Variants in HSD17B12 observed in about 807,000 individuals in gnomAD.
The protein encoded by HSD17B12 is very-long-chain 3-oxoacyl-CoA reductase.
HSD17B12 carries 32 observed loss-of-function variants against 39.3 expected under a neutral mutation model. That is an observed-to-expected ratio of 0.81 (90% CI 0.61 to 1.09). HSD17B12 has a LOEUF of 1.09. Ranked by LOEUF, HSD17B12 falls within the 50% of genes least tolerant of loss-of-function variation. HSD17B12 has a pLI of 0.00. For missense variants in HSD17B12, 342 were observed against 382.9 expected (o/e 0.89, Z 0.89); for synonymous variants, 150 against 146.7 (o/e 1.02, Z -0.16).
At chr11:43,820,790 G>C (rs972170304) in intron 6 of HSD17B12, among the ~76,000 whole-genome samples, 5 of 152,188 alleles carry the variant, frequency 3.3e-5, no homozygotes, top group Non-Finnish European at 7.3e-5. Flanking sequence ...TTGTGACTTT[G>C]GGCTTGTGCC....
At chr11:43,683,107 T>G (rs117417031) in intron 1 of HSD17B12, among the ~76,000 whole-genome samples, 69,434 of 146,260 alleles carry the variant, frequency 0.47, 16,083 homozygotes, top group Non-Finnish European at 0.51. Context: ...TTTTTTTGTT[T>G]TTTTTTTTTT....
the HSD17B12 span, among the ~76,000 whole-genome samples, chr11:43,649,814 C>T: frequency 1.3e-5 from 2 of 152,166 alleles, no homozygotes; most frequent in African/African-American, 4.8e-5. Flanking sequence ...GTTTGGTTTC[C>T]TGCCTTTTGG....
the HSD17B12 span, among the ~76,000 whole-genome samples, chr11:43,596,076 G>A: frequency 1.3e-5 from 2 of 152,070 alleles, no homozygotes; most frequent in Non-Finnish European, 2.9e-5. Context: ...TTTTTTATAG[G>A]GGAAAGGTCT....
intron 1 of HSD17B12, among the ~76,000 whole-genome samples, chr11:43,737,075 A>G (rs1051913650): frequency 3.3e-5 from 5 of 152,212 alleles, no homozygotes; most frequent in African/African-American, 4.8e-5. Flanking sequence ...TCTTTAATCA[A>G]TCGAGTGTTT....
chr11:43,601,795 TGAA>T, the HSD17B12 span, among the ~76,000 whole-genome samples: 3 of 152,182 alleles, frequency 2.0e-5, no homozygotes, highest in Admixed American at 6.5e-5. Context: ...TGCTTCCCAG[TGAA>T]GAAGAAAAAC....
chr11:43,748,594 C>T (rs550988800), intron 1 of HSD17B12, among the ~76,000 whole-genome samples: 200 of 152,154 alleles, frequency 1.3e-3, no homozygotes, highest in Non-Finnish European at 2.3e-3. Flanking sequence ...CATGTACCCT[C>T]TATATCTAAA....
chr11:43,716,135 C>A (rs144607651), intron 1 of HSD17B12, among the ~76,000 whole-genome samples: 389 of 152,156 alleles, frequency 2.6e-3, no homozygotes, highest in Non-Finnish European at 4.5e-3. Flanking sequence ...TTTAACAAAC[C>A]CGTAGATTAA....
chr11:43,718,780 CA>C (rs1049395320), intron 1 of HSD17B12: 100 of 1,103,284 alleles, frequency 9.1e-5, no homozygotes, highest in Admixed American at 2.0e-4. Flanking sequence ...TTCACAGCCA[CA>C]AAAAAAAGAA....
chr11:43,669,472 G>A, the HSD17B12 span, among the ~76,000 whole-genome samples: 4 of 151,228 alleles, frequency 2.6e-5, no homozygotes, highest in East Asian at 7.7e-4. Context: ...CTGCATTCCA[G>A]CCTGGGCAAC....
At chr11:43,848,253 T>G (rs1951497701) in intron 9 of HSD17B12, among the ~76,000 whole-genome samples, 1 of 152,208 alleles carries the variant, frequency 6.6e-6, no homozygotes, top group African/African-American at 2.4e-5. Context: ...TTAGTCCTTT[T>G]GGGCTCATTG....
At chr11:43,691,620 A>G (rs1416690515) in intron 1 of HSD17B12, among the ~76,000 whole-genome samples, 2 of 152,214 alleles carry the variant, frequency 1.3e-5, no homozygotes, top group Admixed American at 1.3e-4. Context: ...CTACCAGTGA[A>G]GCCTCCAATC....
the HSD17B12 span, among the ~76,000 whole-genome samples, chr11:43,634,270 A>G: frequency 6.6e-6 from 1 of 151,958 alleles, no homozygotes; most frequent in Non-Finnish European, 1.5e-5. Flanking sequence ...CTTTTACCCT[A>G]GTCTCTATGG....
At chr11:43,832,749 G>T (rs1231396339) in intron 7 of HSD17B12, among the ~76,000 whole-genome samples, 2 of 152,196 alleles carry the variant, frequency 1.3e-5, no homozygotes, top group South Asian at 2.1e-4. Flanking sequence ...TCAAGTTGAA[G>T]CTGGGCGCAG....
the HSD17B12 span, among the ~76,000 whole-genome samples, chr11:43,595,236 G>A: frequency 2.0e-5 from 3 of 152,210 alleles, no homozygotes; most frequent in East Asian, 5.8e-4. Context: ...GATTTTCATG[G>A]AGCTGTCTTA....
rs1244241452 is a variant in HSD17B12 at position 43,815,480 on chromosome 11, G to A, written c.435G>A (p.Leu145=). ...GMSYEYPEYF[L]DVPDLDNVIK... ...CGTATGAGTATCCTGAATACTTTTTGGATGTTCCTGACTTGGACAATGTAA... is the reference window on the plus strand; with the variant it reads ...CGTATGAGTATCCTGAATACTTTTTAGATGTTCCTGACTTGGACAATGTAA... The change falls in exon 5 of 11, where the codon TTG becomes TTA. Residue 145 remains leucine (L), a synonymous_variant. Coordinates refer to ENST00000278353, the MANE Select transcript of HSD17B12 (RefSeq NM_016142.3). 6.3e-7 allele frequency: 1 copy of A among 1,578,280 alleles called. No individual in the cohort carries two copies. The highest frequency in any genetic ancestry group is 1.3e-5 in the African/African-American group (1 of 74,544).
chr11:43,613,699 C>T, the HSD17B12 span, among the ~76,000 whole-genome samples: 4 of 150,822 alleles, frequency 2.7e-5, no homozygotes, highest in South Asian at 2.1e-4. Flanking sequence ...TGGAGTCTCA[C>T]TCTGTTGCCC....
chr11:43,611,327 G>C, the HSD17B12 span, among the ~76,000 whole-genome samples: 1 of 152,132 alleles, frequency 6.6e-6, no homozygotes, highest in African/African-American at 2.4e-5. Context: ...TCATCCCATA[G>C]AGGTGATCTC....
the HSD17B12 span, among the ~76,000 whole-genome samples, chr11:43,605,924 G>A: frequency 1.3e-5 from 2 of 152,186 alleles, no homozygotes; most frequent in Admixed American, 6.5e-5. Context: ...TTAAAGAGTT[G>A]CCTTTCATAT....
At chr11:43,598,224 C>G in the HSD17B12 span, among the ~76,000 whole-genome samples, 1 of 152,148 alleles carries the variant, frequency 6.6e-6, no homozygotes, top group East Asian at 1.9e-4. Flanking sequence ...TGATTCTTTG[C>G]AACTGCTTCC....
Sources: allele counts gnomAD v4.1 joint callset (sites outside exome capture counted in the v4.1 genomes callset), GRCh38; gene constraint gnomAD v4.1.1; transcripts MANE v1.5; gene names NCBI Gene and HGNC (gene_info 2026-07-23, HGNC 2026-07-21).